Variants in HNF1A observed in about 807,000 individuals in gnomAD.
HNF1A encodes hepatocyte nuclear factor 1-alpha.
In HNF1A, 21 loss-of-function variants were observed where a neutral mutation model predicts 62.2. That is an observed-to-expected ratio of 0.34 (90% confidence interval 0.24 to 0.49). HNF1A has a LOEUF of 0.49. Among genes scored for constraint, HNF1A ranks in the 20% least tolerant of loss-of-function variants. The pLI is 0.99. For synonymous variants in HNF1A, 374 were observed against 366.8 expected (o/e 1.02, Z -0.22); for missense variants, 687 against 832.3 (o/e 0.83, Z 2.15).
chr12:120,988,236 ACCAT>A (rs1325936449), intron 1 of HNF1A, among the ~76,000 whole-genome samples: 15 of 93,012 alleles, frequency 1.6e-4, no homozygotes, highest in Middle Eastern at 7.1e-3. Context: ...CATTCATCCA[ACCAT>A]CCATCCATCC....
chr12:120,984,839 C>T (rs1876429953), intron 1 of HNF1A, among the ~76,000 whole-genome samples: 1 of 151,718 alleles, frequency 6.6e-6, no homozygotes, highest in Non-Finnish European at 1.5e-5. Context: ...TTCTCCTCTG[C>T]AAAATGGGCA....
chr12:120,990,202 C>G lies in HNF1A; in HGVS notation c.526+1170C>G, dbSNP rs111743556. 7.0e-3 allele frequency among the ~76,000 whole-genome samples: 1,069 copies of G among 152,102 alleles called. 10 individuals are homozygous for G. Among genetic ancestry groups the G allele is most frequent in the African/African-American group, 0.016 (674 of 41,482 alleles). ...TGTTGCCCAGGCTGGAGTGCAGTGG[C>G]GTGATCTCGGCTCACTGCAAGCTCC... On this transcript the variant is annotated intron_variant, in intron 2 of 9. Coordinates refer to ENST00000257555, the MANE Select transcript of HNF1A (RefSeq NM_000545.8).
intron 9 of HNF1A, among the ~76,000 whole-genome samples, chr12:121,000,303 G>A (rs1270567598): frequency 2.0e-5 from 3 of 152,060 alleles, no homozygotes; most frequent in Non-Finnish European, 2.9e-5. Context: ...AGGCCATTCT[G>A]TGTCCTGGCA....
At chr12:120,997,086 T>A in intron 6 of HNF1A, 1 of 1,407,512 alleles carries the variant, frequency 7.1e-7, no homozygotes, top group Non-Finnish European at 9.3e-7. Flanking sequence ...CAGAAAGCCC[T>A]TATTTGCAGG....
rs1265103939 is a variant in HNF1A at position 120,979,063 on chromosome 12, C to T, written c.295C>T (p.His99Tyr). The T allele has an allele frequency of 6.2e-7, 1 of 1,611,662 alleles. No homozygotes were observed. The highest frequency in any genetic ancestry group is 8.5e-7 in the Non-Finnish European group (1 of 1,179,098). Residue 99 changes from histidine (H) to tyrosine (Y), a missense_variant, in exon 1 of 10, where the codon CAC becomes TAC. His to Tyr is a moderately conservative substitution (Grantham distance 83). Transcript: ENST00000257555. ...GAACCTCAGCCCTGAGGAGGCGGCC[C>T]ACCAGAAAGCCGTGGTGGAGACCCT... ...LENLSPEEAA[H>Y]QKAVVETLLQ...
chr12:121,002,311 AAGG>A lies in HNF1A; in HGVS notation c.*1122_*1124del, dbSNP rs1877552197. 1.1e-5 allele frequency: 5 copies of A among 446,942 alleles called. No individual in the cohort carries two copies. Among genetic ancestry groups the A allele is most frequent in the Middle Eastern group, 1.1e-3 (2 of 1,772 alleles). 27.7% of individuals were successfully genotyped at this position (446,942 alleles called of 1,614,324 possible). ...GTCCTGAGCACTGCCAGGAGGGACA[AAGG>A]AGCCTGTGAACCCAGGACAAGCATG... is the stretch of plus-strand genomic sequence containing the variant. On this transcript the variant is annotated 3_prime_UTR_variant, in exon 10 of 10. Transcript: ENST00000257555.
intron 2 of HNF1A, among the ~76,000 whole-genome samples, chr12:120,991,796 A>G (rs1395919201): frequency 1.3e-5 from 2 of 152,234 alleles, no homozygotes; most frequent in African/African-American, 4.8e-5. Context: ...GAGAAGAAAC[A>G]AAGATTTATT....
chr12:120,990,266 C>A (rs56086908), intron 2 of HNF1A, among the ~76,000 whole-genome samples: 3 of 152,168 alleles, frequency 2.0e-5, no homozygotes, highest in South Asian at 4.1e-4. Context: ...CTCAGCCTCC[C>A]GAGTAGCTGG....
chr12:120,997,330 C>T (rs982519387), intron 6 of HNF1A, 144 bp from the exon 7 acceptor site: 8 of 1,324,834 alleles, frequency 6.0e-6, no homozygotes, highest in Non-Finnish European at 8.0e-6. Flanking sequence ...GTGGCAGGTC[C>T]CAGTGGAGGG....
At chr12:120,993,435 GA>G (rs1565885457) in intron 2 of HNF1A, 84 bp from the exon 3 acceptor site, 3 of 1,382,456 alleles carry the variant, frequency 2.2e-6, no homozygotes, top group Non-Finnish European at 3.1e-6. Context: ...ATGGCAATGA[GA>G]AAGAATCAAG....
Position 121,002,098 on chromosome 12 carries a change from C to T in HNF1A, c.*906C>T, listed in dbSNP as rs1057318171. ...CTGCCCTTGTTTGGGGCAGGAGTAG[C>T]TGAGCTCACAAGGCAGCAAGGCCCG... On this transcript the variant is annotated 3_prime_UTR_variant, in exon 10 of 10. Transcript: ENST00000257555. The T allele has an allele frequency of 3.7e-6, 2 of 534,318 alleles. No homozygotes were observed. The highest frequency in any genetic ancestry group is 1.9e-5 in the African/African-American group (1 of 53,884). The allele number at this position is 534,318 out of a possible 1,614,324, so 33.1% of individuals were successfully genotyped here. A position where few individuals can be genotyped will look rare whatever the true frequency, so the allele number is the denominator to read the frequency against.
At position 120,990,242 on chromosome 12, in the gene HNF1A, T is replaced by C. The variant is rs372427383; in HGVS notation, c.526+1210T>C. Among the ~76,000 whole-genome samples the C allele has an allele frequency of 1.2e-3, 180 of 152,108 alleles. 1 individual carries two copies. Among genetic ancestry groups the C allele is most frequent in the East Asian group, 6.0e-3 (31 of 5,180 alleles). ...CTGCAAGCTCCGCCTTCCGGGTTCA[T>C]GCCATTCTCCTGCCTCAGCCTCCCG... On this transcript the variant is annotated intron_variant, in intron 2 of 9. Transcript: ENST00000257555.
rs140584786 is a variant in HNF1A, at chr12:121,002,100, G to A, written c.*908G>A. The A allele has an allele frequency of 2.3e-3, 1,233 of 534,200 alleles. 3 individuals carry two copies. The highest frequency in any genetic ancestry group is 3.4e-3 in the Non-Finnish European group (936 of 275,502). The allele number at this position is 534,200 out of a possible 1,614,324, so 33.1% of individuals were successfully genotyped here. ...GCCCTTGTTTGGGGCAGGAGTAGCTGAGCTCACAAGGCAGCAAGGCCCGAG... is the reference window on the plus strand; with the variant it reads ...GCCCTTGTTTGGGGCAGGAGTAGCTAAGCTCACAAGGCAGCAAGGCCCGAG... On this transcript the variant is annotated 3_prime_UTR_variant, in exon 10 of 10. Transcript: ENST00000257555.
chr12:120,993,760 A>C (rs1876943945), intron 3 of HNF1A, 54 bp downstream of exon 3: 5 of 1,579,744 alleles, frequency 3.2e-6, no homozygotes. Flanking sequence ...CGGCAAGGCC[A>C]GGGAAGGGGA....
In HNF1A at chr12:121,001,353, G is replaced by GCGC; in HGVS notation, c.*162_*163insGCC. The stretch of plus-strand genomic sequence containing the variant: ...TGCTCTGATGCATCAGAAAGGGAGG[G>GCGC]CTCTGAGGCGCCCCAACCCGTGGAG... On this transcript the variant is annotated 3_prime_UTR_variant, in exon 10 of 10. Transcript: ENST00000257555. The GCGC allele has an allele frequency of 1.1e-6, 1 of 901,622 alleles. No individual in the cohort carries two copies. The highest frequency in any genetic ancestry group is 2.7e-5 in the East Asian group (1 of 37,676). The allele number at this position is 901,622 out of a possible 1,614,324, so 55.9% of individuals were successfully genotyped here.
intron 1 of HNF1A, among the ~76,000 whole-genome samples, chr12:120,985,708 G>A (rs1034678370): frequency 4.0e-5 from 6 of 151,612 alleles, no homozygotes; most frequent in South Asian, 2.1e-4. Flanking sequence ...ATATTGGCTG[G>A]GCACGGTGGC....
At chr12:121,000,461 T>A (rs1203410593) in intron 9 of HNF1A, 1 of 173,030 alleles carries the variant, frequency 5.8e-6, no homozygotes, top group Non-Finnish European at 1.2e-5. Context: ...AAGCCCATTC[T>A]CTTAACCATT....
At chr12:120,987,896 C>G (rs1876601275) in intron 1 of HNF1A, among the ~76,000 whole-genome samples, 1 of 152,036 alleles carries the variant, frequency 6.6e-6, no homozygotes. Flanking sequence ...TGTTCTGTCA[C>G]CCAGGCTGGA....
In HNF1A at chr12:120,999,343, ACAC is replaced by A; in HGVS notation, c.1583_1585del (p.Thr528del). 6.2e-7 allele frequency: 1 copy of A among 1,613,900 alleles called. No homozygotes were observed. The stretch of plus-strand genomic sequence containing the variant: ...CTCCCGCAGACTATGCTCATCACCG[ACAC>A]CACCAACCTGAGCGCCCTGGCCAGC... On this transcript the variant is annotated inframe_deletion, in exon 8 of 10. Transcript: ENST00000257555.
Sources: gnomAD v4.1 joint callset for allele counts (sites outside exome capture counted in the v4.1 genomes callset) on GRCh38, gnomAD v4.1.1 for gene constraint, MANE v1.5 for transcripts, NCBI Gene and HGNC (gene_info 2026-07-23, HGNC 2026-07-21) for gene names.